ARHGAP26: variants seen among roughly 807,000 people sequenced by gnomAD.
The protein encoded by ARHGAP26 is Rho GTPase activating protein 26, also known as rho GTPase-activating protein 26.
Under a neutral mutation model 104.8 loss-of-function variants are expected in ARHGAP26, and 38 were observed. The ratio of observed to expected loss-of-function variants is 0.36; its 90% CI spans 0.28 to 0.48. ARHGAP26 has a LOEUF of 0.48. ARHGAP26 is among the 20% of genes least tolerant of loss of function. The pLI is 0.99. For missense variants in ARHGAP26, 704 were observed against 947.9 expected, an observed-to-expected ratio of 0.74 and a Z score of 3.38; for synonymous variants, 341 against 340.0, an observed-to-expected ratio of 1.00 and a Z score of -0.03.
chr5:142,838,606 G>A (rs537178736), intron 1 of ARHGAP26, among the ~76,000 whole-genome samples: 141 of 152,290 alleles, frequency 9.3e-4, no homozygotes, highest in African/African-American at 3.3e-3. Flanking sequence ...AGATGGTTGT[G>A]ACCATTAAAA....
At chr5:143,182,333 C>T (rs552871523) in intron 20 of ARHGAP26, among the ~76,000 whole-genome samples, 1 of 152,164 alleles carries the variant, frequency 6.6e-6, no homozygotes, top group Non-Finnish European at 1.5e-5. Context: ...TGAAGAGTGG[C>T]TTGCAGATGA....
chr5:143,038,133 A>G (rs1782918709), intron 13 of ARHGAP26, among the ~76,000 whole-genome samples: 1 of 152,236 alleles, frequency 6.6e-6, no homozygotes, highest in African/African-American at 2.4e-5. Context: ...AACCGTTGTC[A>G]GAGATGTGAA....
chr5:142,935,030 A>G (rs749274927), intron 11 of ARHGAP26, among the ~76,000 whole-genome samples: 18 of 152,246 alleles, frequency 1.2e-4, no homozygotes, highest in Non-Finnish European at 2.5e-4. Context: ...GGAAGAAATT[A>G]GAATTGTCTT....
At chr5:142,836,217 C>CA (rs1769532116) in intron 1 of ARHGAP26, among the ~76,000 whole-genome samples, 4 of 152,226 alleles carry the variant, frequency 2.6e-5, no homozygotes, top group Non-Finnish European at 5.9e-5. Flanking sequence ...CTGCTTCACT[C>CA]AGTTAATGAT....
intron 21 of ARHGAP26, among the ~76,000 whole-genome samples, chr5:143,213,348 C>T (rs1400354529): frequency 6.6e-6 from 1 of 152,174 alleles, no homozygotes; most frequent in Non-Finnish European, 1.5e-5. Flanking sequence ...TCCCCACACT[C>T]CCCATACAGG....
intron 1 of ARHGAP26, among the ~76,000 whole-genome samples, chr5:142,807,045 C>T (rs1763118478): frequency 6.6e-6 from 1 of 152,186 alleles, no homozygotes. Flanking sequence ...AGGGATTTTT[C>T]TGTAACATGA....
intron 17 of ARHGAP26, among the ~76,000 whole-genome samples, chr5:143,068,602 A>G (rs1787840750): frequency 6.6e-6 from 1 of 152,228 alleles, no homozygotes; most frequent in Non-Finnish European, 1.5e-5. Context: ...TGTCTCTACT[A>G]AATCTTTCCC....
chr5:143,111,883 G>GC (rs1480879944), intron 17 of ARHGAP26, among the ~76,000 whole-genome samples: 3 of 152,154 alleles, frequency 2.0e-5, no homozygotes, highest in Non-Finnish European at 4.4e-5. Flanking sequence ...TCCCCCAACT[G>GC]CCCCCAGCTT....
chr5:142,891,391 A>G (rs997169638), intron 5 of ARHGAP26, among the ~76,000 whole-genome samples: 7 of 151,930 alleles, frequency 4.6e-5, no homozygotes, highest in African/African-American at 1.7e-4. Context: ...GAGTATGAGA[A>G]TGTCCATTGC....
At chr5:143,100,604 C>A (rs1793074784) in intron 17 of ARHGAP26, among the ~76,000 whole-genome samples, 1 of 152,256 alleles carries the variant, frequency 6.6e-6, no homozygotes, top group Non-Finnish European at 1.5e-5. Flanking sequence ...GGAAGCGTAG[C>A]TTCCTTTCTT....
At chr5:143,196,821 G>A (rs1236787470) in intron 20 of ARHGAP26, among the ~76,000 whole-genome samples, 1 of 152,222 alleles carries the variant, frequency 6.6e-6, no homozygotes, top group East Asian at 1.9e-4. Context: ...CTGGGAATGT[G>A]CCGTTGGGCG....
rs532838586 is a variant in ARHGAP26, at chr5:142,848,588, A to T, written c.155-24812A>T. ...GTTAGAGTAAGGCTGTGTGAACATC[A>T]TAGTTGTGTAGGTGGCGTGGAAGCT... On this transcript the variant is annotated intron_variant, in intron 1 of 22. Transcript: ENST00000645722. Among the ~76,000 whole-genome samples the T allele has an allele frequency of 2.0e-5, 3 of 152,260 alleles. No individual in the cohort carries two copies. The South Asian group carries it at 6.2e-4, about 32-fold the overall frequency.
chr5:142,919,041 T>C (rs1762859109), intron 10 of ARHGAP26, among the ~76,000 whole-genome samples: 1 of 152,208 alleles, frequency 6.6e-6, no homozygotes, highest in Non-Finnish European at 1.5e-5. Flanking sequence ...TCCTAGCAGA[T>C]ACTAGTTATA....
chr5:143,024,527 C>G (rs1333162312), intron 12 of ARHGAP26, among the ~76,000 whole-genome samples: 1 of 152,098 alleles, frequency 6.6e-6, no homozygotes, highest in African/African-American at 2.4e-5. Flanking sequence ...CCCTAAAGCC[C>G]AGTGCAAGGG....
rs114835505 is a variant in ARHGAP26, at chr5:142,853,011, C to T, written c.155-20389C>T. Reference sequence around the variant, plus strand: ...CCTCATTTCTCAAGCTTGCCTTTATCGAGCTCCAAAGGTGGAGGAAGTACT... The same window carrying T: ...CCTCATTTCTCAAGCTTGCCTTTATTGAGCTCCAAAGGTGGAGGAAGTACT... On this transcript the variant is annotated intron_variant, in intron 1 of 22. Coordinates refer to ENST00000645722, the MANE Select transcript of ARHGAP26 (RefSeq NM_001135608.3). 8.0e-3 allele frequency among the ~76,000 whole-genome samples: 1,212 copies of T among 152,164 alleles called. 12 individuals carry two copies. Among genetic ancestry groups the T allele is most frequent in the Non-Finnish European group, 0.012 (833 of 68,020 alleles).
intron 1 of ARHGAP26, among the ~76,000 whole-genome samples, chr5:142,819,108 T>C (rs1409538840): frequency 6.6e-6 from 1 of 152,180 alleles, no homozygotes; most frequent in African/African-American, 2.4e-5. Context: ...TGCCTACTTT[T>C]TCTCTAGGGC....
intron 17 of ARHGAP26, among the ~76,000 whole-genome samples, chr5:143,099,999 A>C (rs1481943359): frequency 6.6e-6 from 1 of 152,254 alleles, no homozygotes; most frequent in Non-Finnish European, 1.5e-5. Flanking sequence ...AAGACTGAGC[A>C]AACAGGAAAA....
chr5:142,838,120 A>G (rs1368863713), intron 1 of ARHGAP26, among the ~76,000 whole-genome samples: 1 of 152,082 alleles, frequency 6.6e-6, no homozygotes, highest in Non-Finnish European at 1.5e-5. Flanking sequence ...AGCTGGGCAT[A>G]GTGGGTGGGC....
chr5:143,102,872 T>G (rs1334006246), intron 17 of ARHGAP26, among the ~76,000 whole-genome samples: 1 of 152,094 alleles, frequency 6.6e-6, no homozygotes, highest in Non-Finnish European at 1.5e-5. Context: ...AGCATCCCAG[T>G]GCCTCTATGA....
Sources: gnomAD v4.1 joint callset for allele counts (sites outside exome capture counted in the v4.1 genomes callset) on GRCh38, gnomAD v4.1.1 for gene constraint, MANE v1.5 for transcripts, NCBI Gene and HGNC (gene_info 2026-07-23, HGNC 2026-07-21) for gene names.